The following RCOR1 variants were observed in gnomAD, a reference collection of about 807,000 sequenced individuals.
RCOR1 encodes REST corepressor 1, also known as REST corepressor.
A neutral mutation model predicts 64.0 loss-of-function variants in RCOR1; 12 were observed. The ratio of observed to expected loss-of-function variants is 0.19; its 90% CI spans 0.12 to 0.30. The LOEUF (loss-of-function observed/expected upper bound fraction) is 0.30. Ranked by LOEUF, RCOR1 falls within the 10% of genes least tolerant of loss-of-function variation. The pLI, the probability that RCOR1 is intolerant of heterozygous loss-of-function variation, is 1.00. For missense variants in RCOR1, 502 were observed against 621.2 expected (o/e 0.81, Z 2.04); for synonymous variants, 279 against 227.2 (o/e 1.23, Z -2.05).
rs374619731 is a variant in RCOR1 at position 102,634,680 on chromosome 14, A to G, written c.361+41355A>G. Among the ~76,000 whole-genome samples the G allele has an allele frequency of 2.4e-4, 36 of 150,880 alleles. No homozygotes were observed. The East Asian group carries it at 4.3e-3, about 18-fold the overall frequency. On this transcript the variant is annotated intron_variant, in intron 2 of 11. Transcript: ENST00000262241. Reference sequence around the variant, plus strand: ...TATATATATACACACACACGTACATACATATATATATGTGTGTATATATAT... The same window carrying G: ...TATATATATACACACACACGTACATGCATATATATATGTGTGTATATATAT...
At chr14:102,697,621 G>GC (rs1224710287) in intron 3 of RCOR1, among the ~76,000 whole-genome samples, 1 of 151,706 alleles carries the variant, frequency 6.6e-6, no homozygotes, top group Non-Finnish European at 1.5e-5. Flanking sequence ...AACCTTCCGA[G>GC]CACCTAGTAG....
intron 2 of RCOR1, among the ~76,000 whole-genome samples, chr14:102,615,829 A>G (rs1382301616): frequency 2.6e-5 from 4 of 152,182 alleles, no homozygotes; most frequent in African/African-American, 9.7e-5. Context: ...AGAAAATACA[A>G]ACTTGGGTTT....
intron 2 of RCOR1, among the ~76,000 whole-genome samples, chr14:102,672,669 C>CT (rs1288430926): frequency 3.9e-5 from 6 of 152,160 alleles, no homozygotes; most frequent in Admixed American, 3.3e-4. Flanking sequence ...TGCTCAACCT[C>CT]TTTATTCAGG....
chr14:102,673,580 C>T (rs1184783227), intron 2 of RCOR1, among the ~76,000 whole-genome samples: 2 of 151,850 alleles, frequency 1.3e-5, no homozygotes, highest in Admixed American at 1.3e-4. Context: ...TGTGATCCGC[C>T]CGCCTTGGCC....
intron 2 of RCOR1, among the ~76,000 whole-genome samples, chr14:102,667,671 G>A (rs1278366944): frequency 6.6e-6 from 1 of 152,130 alleles, no homozygotes; most frequent in Non-Finnish European, 1.5e-5. Flanking sequence ...GTGGCAGCAG[G>A]GTTGGAGAGC....
Position 102,669,639 on chromosome 14 carries a change from C to T in RCOR1, c.362-12256C>T, listed in dbSNP as rs574160656. Among the ~76,000 whole-genome samples the T allele has an allele frequency of 6.6e-4, 100 of 152,294 alleles. 1 individual carries two copies. The highest frequency in any genetic ancestry group is 6.8e-3 in the Middle Eastern group (2 of 294). ...CATAGGTGTGATGTTGGGCAGCTTACTTCATCTCTCTGTGCTTTAATTTTC... is the reference window on the plus strand; with the variant it reads ...CATAGGTGTGATGTTGGGCAGCTTATTTCATCTCTCTGTGCTTTAATTTTC... On this transcript the variant is annotated intron_variant, in intron 2 of 11. Transcript: ENST00000262241.
At chr14:102,691,318 G>GA (rs1895528465) in intron 3 of RCOR1, among the ~76,000 whole-genome samples, 11 of 136,276 alleles carry the variant, frequency 8.1e-5, no homozygotes, top group African/African-American at 2.9e-4. Flanking sequence ...ACCTAGGATG[G>GA]GGAGAGGTGG....
At chr14:102,656,966 G>A (rs1595215690) in intron 2 of RCOR1, 2 of 318,300 alleles carry the variant, frequency 6.3e-6, no homozygotes, top group Non-Finnish European at 9.0e-6. Flanking sequence ...AGTAGAGAGG[G>A]GTTTCACCAT....
chr14:102,657,672 T>C, intron 2 of RCOR1: 1 of 447,364 alleles, frequency 2.2e-6, no homozygotes, highest in Non-Finnish European at 3.0e-6. Flanking sequence ...ACCCTGTCTG[T>C]AGTAAAAATA....
At chr14:102,692,755 T>TC (rs1459680171) in intron 3 of RCOR1, among the ~76,000 whole-genome samples, 40 of 144,274 alleles carry the variant, frequency 2.8e-4, no homozygotes, top group Admixed American at 4.2e-4. Flanking sequence ...CTTCCTTCCT[T>TC]CTTTTTCTTT....
At chr14:102,630,773 C>G (rs1486059856) in intron 2 of RCOR1, among the ~76,000 whole-genome samples, 2 of 152,168 alleles carry the variant, frequency 1.3e-5, no homozygotes, top group Non-Finnish European at 2.9e-5. Flanking sequence ...CAGAAGTCCC[C>G]TTCTCCCTCA....
chr14:102,626,064 A>G (rs748033995), intron 2 of RCOR1, among the ~76,000 whole-genome samples: 2 of 152,102 alleles, frequency 1.3e-5, no homozygotes, highest in African/African-American at 2.4e-5. Context: ...CATCCTCCTG[A>G]TCTTTCCAGC....
At chr14:102,604,836 A>G (rs1185580815) in intron 2 of RCOR1, among the ~76,000 whole-genome samples, 1 of 152,102 alleles carries the variant, frequency 6.6e-6, no homozygotes, top group East Asian at 1.9e-4. Context: ...TAATCCCAGC[A>G]CTTTGGGAGG....
At chr14:102,711,101 TATATTAA>T in intron 7 of RCOR1, 88 bp downstream of exon 7, 1 of 835,752 alleles carries the variant, frequency 1.2e-6, no homozygotes, top group Non-Finnish European at 1.9e-6. Flanking sequence ...TTCTACTTAA[TATATTAA>T]GTGCTATGTG....
In RCOR1 at chr14:102,637,098, A is replaced by T. The variant is rs539458686; in HGVS notation, c.361+43773A>T. Among the ~76,000 whole-genome samples the T allele has an allele frequency of 2.2e-4, 33 of 151,916 alleles. 1 individual carries two copies. The South Asian group carries it at 2.7e-3, about 12-fold the overall frequency. ...ATATATATGGTTAGTTTGGCTGTGT[A>T]CAAGTTTTTTTTGTTTGTTTGTTTG... On this transcript the variant is annotated intron_variant, in intron 2 of 11. Transcript: ENST00000262241.
intron 2 of RCOR1, among the ~76,000 whole-genome samples, chr14:102,615,039 G>A (rs960634115): frequency 6.7e-6 from 1 of 149,670 alleles, no homozygotes. Context: ...CACCATGTTG[G>A]CCAGGATGGT....
chr14:102,640,554 T>TA (rs1209400228), intron 2 of RCOR1, among the ~76,000 whole-genome samples: 1 of 152,134 alleles, frequency 6.6e-6, no homozygotes. Flanking sequence ...AATTAATTTT[T>TA]AAAAAATGTA....
intron 2 of RCOR1, chr14:102,655,331 GTACTT>G (rs1368344265): frequency 8.1e-6 from 8 of 984,900 alleles, no homozygotes; most frequent in Non-Finnish European, 7.2e-6. Context: ...CTGACCTGTT[GTACTT>G]TACTTTAGAA....
intron 3 of RCOR1, among the ~76,000 whole-genome samples, chr14:102,686,044 GTATCAAAT>G (rs1029327909): frequency 6.6e-6 from 1 of 152,082 alleles, no homozygotes; most frequent in African/African-American, 2.4e-5. Context: ...TTATATGAAT[GTATCAAAT>G]TATCACATGT....
Sources: allele counts gnomAD v4.1 joint callset (sites outside exome capture counted in the v4.1 genomes callset), GRCh38; gene constraint gnomAD v4.1.1; transcripts MANE v1.5; gene names NCBI Gene and HGNC (gene_info 2026-07-23, HGNC 2026-07-21).